Variants in PTP4A1 observed in about 807,000 individuals in gnomAD.
PTP4A1 encodes the protein protein tyrosine phosphatase 4A1.
A neutral mutation model predicts 20.5 loss-of-function variants in PTP4A1; 9 were observed. The ratio of observed to expected loss-of-function variants is 0.44; its 90% CI spans 0.26 to 0.77. The LOEUF is 0.77. Among genes scored for constraint, PTP4A1 ranks in the 30% least tolerant of loss-of-function variants. The probability of loss-of-function intolerance (pLI) is 0.19; values close to 1 mark genes in which losing one functional copy is unlikely to be tolerated. For synonymous variants in PTP4A1, 78 were observed against 67.4 expected, an observed-to-expected ratio of 1.16 and a Z score of -0.77; for missense variants, 137 against 218.8, an observed-to-expected ratio of 0.63 and a Z score of 2.36.
intron 2 of PTP4A1, among the ~76,000 whole-genome samples, chr6:63,549,794 T>TA (rs1279869317): frequency 6.6e-6 from 1 of 152,010 alleles, no homozygotes; most frequent in East Asian, 1.9e-4. Context: ...GAACAGGGTA[T>TA]ACTAGAGGCT....
chr6:63,579,610 A>G (rs746777305), intron 5 of PTP4A1, among the ~76,000 whole-genome samples: 1 of 152,254 alleles, frequency 6.6e-6, no homozygotes, highest in East Asian at 1.9e-4. Context: ...TAATTAAGAT[A>G]CATTTAAAGA....
intron 5 of PTP4A1, 67 bp from the exon 6 acceptor site, chr6:63,579,990 A>G (rs1778119744): frequency 6.0e-6 from 7 of 1,175,350 alleles, no homozygotes; most frequent in South Asian, 1.3e-5. Flanking sequence ...ATGGTTGTCT[A>G]TAAGACACTA....
chr6:63,547,776 G>T (rs1776263778), intron 2 of PTP4A1, among the ~76,000 whole-genome samples: 2 of 151,892 alleles, frequency 1.3e-5, no homozygotes, highest in Middle Eastern at 3.2e-3. Context: ...CTCCCAAAGT[G>T]CTGGGATTAC....
At chr6:63,552,902 C>T (rs1171968893) in intron 3 of PTP4A1, among the ~76,000 whole-genome samples, 1 of 152,122 alleles carries the variant, frequency 6.6e-6, no homozygotes, top group Non-Finnish European at 1.5e-5. Context: ...GGTACCAGTA[C>T]CGTGCTGTTT....
Position 63,576,672 on chromosome 6 carries a change from C to G in PTP4A1, c.-209C>G. ...GGGTAAACCTCAGTGCACTTCTTTT[C>G]TGTTGGCCTCAGTATTACTGGATTG... On this transcript the variant is annotated 5_prime_UTR_variant, in exon 2 of 6. Coordinates refer to ENST00000626021, the MANE Select transcript of PTP4A1 (RefSeq NM_003463.5). 8.6e-6 allele frequency: 5 copies of G among 579,258 alleles called. No homozygotes were observed. The highest frequency in any genetic ancestry group is 1.2e-5 in the Non-Finnish European group (4 of 330,464). 35.9% of individuals were successfully genotyped at this position (579,258 alleles called of 1,614,324 possible).
chr6:63,562,968 G>A (rs553173500), intron 3 of PTP4A1, among the ~76,000 whole-genome samples: 3 of 152,226 alleles, frequency 2.0e-5, no homozygotes, highest in East Asian at 3.9e-4. Context: ...TCTCTGTTTG[G>A]CCTTTGACAA....
intron 2 of PTP4A1, among the ~76,000 whole-genome samples, chr6:63,578,224 A>G (rs147479988): frequency 3.9e-4 from 59 of 152,328 alleles, no homozygotes; most frequent in Non-Finnish European, 2.4e-4. Context: ...AAAAATATGT[A>G]TGGTATTTAA....
At position 63,580,123 on chromosome 6, in the gene PTP4A1, G is replaced by A. The variant is rs368017955; in HGVS notation, c.471G>A (p.Arg157=). ...TGGAGAAGTATCGTCCTAAAATGCG[G>A]CTGCGTTTCAAAGATTCCAACGGTC... ...LYLEKYRPKM[R]LRFKDSNGHR... is the part of the protein sequence containing the mutation. The change falls in exon 6 of 6, where the codon CGG becomes CGA. Residue 157 remains arginine (R), a synonymous_variant. Coordinates refer to ENST00000626021, the MANE Select transcript of PTP4A1 (RefSeq NM_003463.5). 19 of 1,613,660 alleles carry A rather than the reference G, an allele frequency of 1.2e-5. No individual in the cohort carries two copies. The African/African-American group carries it at 1.5e-4, about 12-fold the overall frequency.
upstream of PTP4A1, among the ~76,000 whole-genome samples, chr6:63,568,876 G>A (rs1413765400): frequency 6.6e-6 from 1 of 152,104 alleles, no homozygotes; most frequent in African/African-American, 2.4e-5. Context: ...CTTACCCTCT[G>A]CACTAGTATC....
At chr6:63,533,371 G>C (rs1775560148) in intron 2 of PTP4A1, among the ~76,000 whole-genome samples, 1 of 152,104 alleles carries the variant, frequency 6.6e-6, no homozygotes, top group South Asian at 2.1e-4. Flanking sequence ...CACAGAGCAA[G>C]ACTGTTTCTC....
At chr6:63,545,713 A>G (rs1776154098) in intron 2 of PTP4A1, among the ~76,000 whole-genome samples, 1 of 152,152 alleles carries the variant, frequency 6.6e-6, no homozygotes. Flanking sequence ...GTTTCCTTTT[A>G]GAGGAAAACA....
intron 1 of PTP4A1, among the ~76,000 whole-genome samples, chr6:63,524,131 C>T (rs371133522): frequency 5.9e-5 from 9 of 152,088 alleles, no homozygotes; most frequent in Admixed American, 2.0e-4. Flanking sequence ...ACTACAGGCC[C>T]GCACCACCAC....
intron 2 of PTP4A1, among the ~76,000 whole-genome samples, chr6:63,535,608 T>C (rs1047231223): frequency 9.2e-5 from 14 of 152,242 alleles, no homozygotes; most frequent in African/African-American, 2.7e-4. Context: ...TAATATGAGG[T>C]ATCGAATGTT....
upstream of PTP4A1, among the ~76,000 whole-genome samples, chr6:63,517,922 G>T (rs961382522): frequency 3.3e-5 from 5 of 152,120 alleles, no homozygotes; most frequent in African/African-American, 1.2e-4. Context: ...GGGAGTCCAG[G>T]CAAGTGGATC....
chr6:63,578,639 TA>T, intron 3 of PTP4A1, 110 bp downstream of exon 3: 2 of 1,384,710 alleles, frequency 1.4e-6, no homozygotes, highest in Non-Finnish European at 9.6e-7. Context: ...CTCAAAAAGC[TA>T]AAAACAAATA....
intron 2 of PTP4A1, among the ~76,000 whole-genome samples, chr6:63,543,208 T>C (rs1776053405): frequency 6.6e-6 from 1 of 152,232 alleles, no homozygotes; most frequent in Non-Finnish European, 1.5e-5. Context: ...GACTTGTCCC[T>C]GTTTTAAAAC....
At chr6:63,574,920 A>G (rs1221045453) in intron 1 of PTP4A1, among the ~76,000 whole-genome samples, 1 of 152,210 alleles carries the variant, frequency 6.6e-6, no homozygotes, top group African/African-American at 2.4e-5. Flanking sequence ...CAGCTGACCA[A>G]CTAGGTGAAG....
intron 3 of PTP4A1, among the ~76,000 whole-genome samples, chr6:63,555,013 G>T (rs1383149626): frequency 6.6e-6 from 1 of 152,162 alleles, no homozygotes; most frequent in Non-Finnish European, 1.5e-5. Flanking sequence ...ATAACATGTG[G>T]CTGATATCAG....
chr6:63,552,799 C>T (rs1776511163), intron 3 of PTP4A1, among the ~76,000 whole-genome samples: 1 of 152,108 alleles, frequency 6.6e-6, no homozygotes, highest in Non-Finnish European at 1.5e-5. Context: ...GGAAACCTTT[C>T]CCCATTTCTT....
Sources: gnomAD v4.1 joint callset for allele counts (sites outside exome capture counted in the v4.1 genomes callset) on GRCh38, gnomAD v4.1.1 for gene constraint, MANE v1.5 for transcripts, NCBI Gene and HGNC (gene_info 2026-07-23, HGNC 2026-07-21) for gene names.